Variants in PIK3R4 observed in about 807,000 individuals in gnomAD.
The protein encoded by PIK3R4 is phosphoinositide 3-kinase regulatory subunit 4.
PIK3R4 carries 46 observed loss-of-function variants against 136.5 expected under a neutral mutation model. The observed-to-expected ratio is 0.34, with a 90% confidence interval of 0.27 to 0.43. PIK3R4 has a LOEUF of 0.43. Ranked by LOEUF, PIK3R4 falls within the 20% of genes least tolerant of loss-of-function variation. PIK3R4 has a pLI of 1.00. For missense variants in PIK3R4, 1,331 were observed against 1,649.5 expected (o/e 0.81, Z 3.35); for synonymous variants, 557 against 566.7 (o/e 0.98, Z 0.24).
chr3:130,723,339 G>T lies in PIK3R4; in HGVS notation c.1981+75C>A, dbSNP rs960848707. ...AATCAATAGCAGGAACAATAAAGTT[G>T]CAATTCTTTATATTACCTAGAAATT... On this transcript the variant is annotated intron_variant, in intron 7 of 19. Coordinates refer to ENST00000356763, the MANE Select transcript of PIK3R4 (RefSeq NM_014602.3). 7.2e-6 allele frequency: 9 copies of T among 1,257,260 alleles called. No individual in the cohort carries two copies. The Admixed American group carries it at 2.0e-4, about 27-fold the overall frequency. The allele number at this position is 1,257,260 out of a possible 1,614,324, so 77.9% of individuals were successfully genotyped here.
At chr3:130,725,851 T>A (rs1032989865) in intron 6 of PIK3R4, 1 of 152,078 alleles carries the variant, frequency 6.6e-6, no homozygotes, top group Non-Finnish European at 1.5e-5. Context: ...GTTTTTCAAC[T>A]TGATAGTTAA....
At chr3:130,685,598 A>G (rs750555148) in intron 15 of PIK3R4, among the ~76,000 whole-genome samples, 1 of 152,206 alleles carries the variant, frequency 6.6e-6, no homozygotes. Context: ...ATAAAATGGA[A>G]TATCATGCAA....
At chr3:130,717,937 G>A (rs78458409) in intron 8 of PIK3R4, among the ~76,000 whole-genome samples, 1 of 152,166 alleles carries the variant, frequency 6.6e-6, no homozygotes, top group East Asian at 1.9e-4. Context: ...AGCAGAGGTT[G>A]TGGGGTTGTT....
chr3:130,684,421 C>G, intron 15 of PIK3R4, 40 bp from the exon 16 acceptor site: 1 of 1,556,430 alleles, frequency 6.4e-7, no homozygotes, highest in Non-Finnish European at 8.8e-7. Context: ...ATCTAATGAT[C>G]AAAGTGCATC....
At chr3:130,697,540 T>C (rs1005032337) in intron 13 of PIK3R4, among the ~76,000 whole-genome samples, 2 of 152,232 alleles carry the variant, frequency 1.3e-5, no homozygotes, top group Non-Finnish European at 2.9e-5. Flanking sequence ...TTATAAGTTG[T>C]GATTGCTCTG....
rs565301309 is a variant in PIK3R4 at position 130,742,703 on chromosome 3, T to A, written c.733+1783A>T. 5.9e-5 allele frequency among the ~76,000 whole-genome samples: 9 copies of A among 152,302 alleles called. No homozygotes were observed. In the South Asian group the frequency reaches 1.9e-3, roughly 32 times the overall value. The stretch of plus-strand genomic sequence containing the variant: ...TTCATCAATTAATTTTCCTAAATAA[T>A]CTAAAATTTGGCTCAATTTATGTTT... On this transcript the variant is annotated intron_variant, in intron 2 of 19. Coordinates refer to ENST00000356763, the MANE Select transcript of PIK3R4 (RefSeq NM_014602.3).
Position 130,708,280 on chromosome 3 carries a change from A to G in PIK3R4, c.2533+11T>C, listed in dbSNP as rs778618947. ...ACAACAAGCTACACACACACAAACA[A>G]GCATACTAACCCCGTTTGTCATCTG... On this transcript the variant is annotated intron_variant, in intron 10 of 19. Coordinates refer to ENST00000356763, the MANE Select transcript of PIK3R4 (RefSeq NM_014602.3). The G allele has an allele frequency of 6.2e-7, 1 of 1,603,664 alleles. No individual in the cohort carries two copies. The highest frequency in any genetic ancestry group is 1.1e-5 in the South Asian group (1 of 90,848).
intron 13 of PIK3R4, 93 bp downstream of exon 13, chr3:130,703,629 TG>T (rs2066591483): frequency 1.1e-6 from 1 of 892,230 alleles, no homozygotes; most frequent in Non-Finnish European, 1.8e-6. Context: ...GCTGTATGCC[TG>T]GTACCCAAAA....
At chr3:130,741,009 A>G (rs1293807357) in intron 2 of PIK3R4, among the ~76,000 whole-genome samples, 4 of 152,216 alleles carry the variant, frequency 2.6e-5, no homozygotes, top group Admixed American at 2.6e-4. Context: ...ATTTCCAAAT[A>G]AAGTCAGAAA....
chr3:130,716,135 T>C (rs1003118343), intron 9 of PIK3R4, among the ~76,000 whole-genome samples: 1 of 152,242 alleles, frequency 6.6e-6, no homozygotes, highest in African/African-American at 2.4e-5. Flanking sequence ...CTTTCCCTCA[T>C]TTATTTAGCC....
At chr3:130,739,163 G>A (rs766830175) in intron 2 of PIK3R4, among the ~76,000 whole-genome samples, 2 of 152,246 alleles carry the variant, frequency 1.3e-5, no homozygotes, top group East Asian at 1.9e-4. Context: ...TGCAAGCTCC[G>A]CCTCCCTGGT....
In PIK3R4 at chr3:130,746,383, G is replaced by T. The variant is rs2066853452; in HGVS notation, c.-112C>A. On this transcript the variant is annotated 5_prime_UTR_variant, in exon 1 of 20. Transcript: ENST00000356763. ...CAACGAGGTCATAGTAGACTACTTC[G>T]GGGACGGGACGGGAAAACGCGTCAG... The T allele has an allele frequency of 6.6e-6, 1 of 152,240 alleles. No individual in the cohort carries two copies. The highest frequency in any genetic ancestry group is 2.1e-4 in the South Asian group (1 of 4,836). 9.4% of individuals were successfully genotyped at this position (152,240 alleles called of 1,614,324 possible).
In PIK3R4 at chr3:130,707,111, G is replaced by A. The variant is rs1160437681; in HGVS notation, c.2558C>T (p.Ser853Leu). The A allele has an allele frequency of 1.9e-6, 3 of 1,606,312 alleles. No homozygotes were observed. Among genetic ancestry groups the A allele is most frequent in the Admixed American group, 1.7e-5 (1 of 58,612 alleles). Residue 853 changes from serine (S) to leucine (L), a missense_variant, in exon 11 of 20, where the codon TCA (serine) becomes TTA (leucine). By Grantham distance (145) the Ser-to-Leu change is moderately radical. This residue lies in a region of PIK3R4 where 1,180 missense variants were observed against 1,407.0 expected (regional missense o/e 0.84). Coordinates refer to ENST00000356763, the MANE Select transcript of PIK3R4 (RefSeq NM_014602.3). Reference sequence around the variant, plus strand: ...GCTTTTCCATTCTTCATTTACATTTGAGTCTTGTTTTACATGTTTTCTGGC... The same window carrying A: ...GCTTTTCCATTCTTCATTTACATTTAAGTCTTGTTTTACATGTTTTCTGGC... ...KRARKHVKQD[S>L]NVNEEWKSMF...
chr3:130,721,571 A>C (rs2107614808), intron 7 of PIK3R4, among the ~76,000 whole-genome samples: 1 of 152,336 alleles, frequency 6.6e-6, no homozygotes, highest in Non-Finnish European at 1.5e-5. Flanking sequence ...AAAAATAAAA[A>C]TATCCTGTTA....
intron 2 of PIK3R4, among the ~76,000 whole-genome samples, chr3:130,737,841 G>A (rs2066794434): frequency 6.6e-6 from 1 of 152,118 alleles, no homozygotes; most frequent in Admixed American, 6.5e-5. Flanking sequence ...ATTGAATACT[G>A]AACTGAAAGT....
intron 13 of PIK3R4, among the ~76,000 whole-genome samples, chr3:130,693,788 C>G (rs2107603275): frequency 6.6e-6 from 1 of 152,152 alleles, no homozygotes; most frequent in Non-Finnish European, 1.5e-5. Flanking sequence ...GATGAAGTCC[C>G]ATTTGTCTAT....
chr3:130,691,876 T>TG (rs1356441541), intron 13 of PIK3R4, among the ~76,000 whole-genome samples: 5 of 143,324 alleles, frequency 3.5e-5, no homozygotes, highest in African/African-American at 1.0e-4. Context: ...AGTTTTTTTT[T>TG]TTTTTTTTTT....
At chr3:130,679,926 A>C (rs1420051770) in intron 19 of PIK3R4, among the ~76,000 whole-genome samples, 1 of 152,074 alleles carries the variant, frequency 6.6e-6, no homozygotes, top group Non-Finnish European at 1.5e-5. Context: ...AAATACAAAA[A>C]TTAGCAGGGT....
rs2066714058 is a variant in PIK3R4 at position 130,723,417 on chromosome 3, T to C, written c.1978A>G (p.Ile660Val). Residue 660 changes from isoleucine (I) to valine (V), a missense_variant, in exon 7 of 20, where the codon ATT becomes GTT. Physicochemically the swap from Ile to Val is conservative, Grantham distance 29. Transcript: ENST00000356763. ...KPHVYEFASD[I>V]APFLCHPNLW... ...ATTTTGAGAAACAGAAACTTACCAATATCACTGGCAAATTCGTAAACATGG... is the reference window on the plus strand; with the variant it reads ...ATTTTGAGAAACAGAAACTTACCAACATCACTGGCAAATTCGTAAACATGG... The C allele has an allele frequency of 2.5e-6, 4 of 1,599,380 alleles. No individual in the cohort carries two copies. The highest frequency in any genetic ancestry group is 3.4e-6 in the Non-Finnish European group (4 of 1,175,016).
Sources: allele counts gnomAD v4.1 joint callset (sites outside exome capture counted in the v4.1 genomes callset), GRCh38; gene constraint gnomAD v4.1.1; regional missense constraint gnomAD v4.1.1; transcripts MANE v1.5; gene names NCBI Gene and HGNC (gene_info 2026-07-23, HGNC 2026-07-21).